SCGB2B2: variants seen among roughly 807,000 people sequenced by gnomAD.
SCGB2B2 encodes the protein secretoglobin-like protein.
A neutral mutation model predicts 7.6 loss-of-function variants in SCGB2B2; 11 were observed. The ratio of observed to expected loss-of-function variants is 1.45; its 90% CI spans 0.91 to 2.40. SCGB2B2 has a LOEUF of 2.40. SCGB2B2 is among the 30% of genes most tolerant of loss of function. SCGB2B2 has a pLI of 0.00. For missense variants in SCGB2B2, 104 were observed against 115.4 expected (o/e 0.90, Z 0.45); for synonymous variants, 50 against 48.6 (o/e 1.03, Z -0.12).
chr19:34,641,636 G>A (rs1027103509), intron 1 of SCGB2B2, among the ~76,000 whole-genome samples: 3 of 119,566 alleles, frequency 2.5e-5, no homozygotes, highest in African/African-American at 1.1e-4. Flanking sequence ...TTGACAGTAT[G>A]TAAATTGGGT....
Position 34,592,483 on chromosome 19 carries a change from C to T in SCGB2B2, c.*1072G>A, listed in dbSNP as rs1033966951. On this transcript the variant is annotated 3_prime_UTR_variant, in exon 4 of 4. Transcript: ENST00000601241. ...TTTGGAGGGTGTCATCTGAGAGACA[C>T]CTGGGTGGGAGGGAGAGGGAGGAGT... Among the ~76,000 whole-genome samples, 15 of 151,854 alleles carry T rather than the reference C, an allele frequency of 9.9e-5. No individual in the cohort carries two copies. Among genetic ancestry groups the T allele is most frequent in the African/African-American group, 3.6e-4 (15 of 41,352 alleles).
intron 1 of SCGB2B2, among the ~76,000 whole-genome samples, chr19:34,630,408 A>G (rs2066496166): frequency 6.6e-6 from 1 of 151,892 alleles, no homozygotes; most frequent in African/African-American, 2.4e-5. Context: ...AACCCAAACA[A>G]ATTTACAACA....
At chr19:34,648,427 T>C (rs1278568916) in intron 1 of SCGB2B2, among the ~76,000 whole-genome samples, 2 of 152,198 alleles carry the variant, frequency 1.3e-5, no homozygotes, top group Non-Finnish European at 2.9e-5. Flanking sequence ...TTGATGTAAG[T>C]TCTCTGAGGA....
chr19:34,600,709 G>T (rs1057051030), intron 1 of SCGB2B2, among the ~76,000 whole-genome samples: 8 of 152,042 alleles, frequency 5.3e-5, no homozygotes, highest in Non-Finnish European at 2.9e-5. Flanking sequence ...TTTATATATT[G>T]CATGTTCTTT....
chr19:34,658,813 CAAAAAAAAA>C (rs138363297), intron 1 of SCGB2B2, among the ~76,000 whole-genome samples: 1 of 102,008 alleles, frequency 9.8e-6, no homozygotes, highest in Non-Finnish European at 1.8e-5. Context: ...ACAACAACAA[CAAAAAAAAA>C]AAAAAAAAAA....
At chr19:34,626,023 C>T (rs910255927) in intron 1 of SCGB2B2, among the ~76,000 whole-genome samples, 1 of 152,186 alleles carries the variant, frequency 6.6e-6, no homozygotes, top group Non-Finnish European at 1.5e-5. Flanking sequence ...TGGAGTGGAC[C>T]TCCAGCAAAC....
chr19:34,637,031 G>C (rs2066700958), intron 1 of SCGB2B2, among the ~76,000 whole-genome samples: 1 of 152,160 alleles, frequency 6.6e-6, no homozygotes, highest in South Asian at 2.1e-4. Context: ...ATTACAAAAA[G>C]AGCCTCAGAA....
chr19:34,621,423 C>G (rs1308156825), intron 1 of SCGB2B2, among the ~76,000 whole-genome samples: 1 of 151,620 alleles, frequency 6.6e-6, no homozygotes, highest in East Asian at 1.9e-4. Context: ...AGAGAGATGT[C>G]TCACAAAATG....
intron 1 of SCGB2B2, among the ~76,000 whole-genome samples, chr19:34,600,335 T>A (rs1044808324): frequency 6.6e-6 from 1 of 152,248 alleles, no homozygotes; most frequent in African/African-American, 2.4e-5. Flanking sequence ...TCTATTATCA[T>A]GAACAACACT....
chr19:34,616,027 T>C (rs565543439), intron 1 of SCGB2B2, among the ~76,000 whole-genome samples: 2 of 151,892 alleles, frequency 1.3e-5, no homozygotes, highest in African/African-American at 4.8e-5. Context: ...CTCATCATTT[T>C]TTATGGCTGC....
intron 1 of SCGB2B2, among the ~76,000 whole-genome samples, chr19:34,600,262 A>G (rs1053274237): frequency 6.6e-6 from 1 of 152,036 alleles, no homozygotes; most frequent in Non-Finnish European, 1.5e-5. Flanking sequence ...TTTGTTCCCC[A>G]TTGTTGTTGA....
chr19:34,670,311 C>A (rs1230321857), intron 1 of SCGB2B2, among the ~76,000 whole-genome samples: 1 of 152,190 alleles, frequency 6.6e-6, no homozygotes, highest in Non-Finnish European at 1.5e-5. Context: ...TACCTTTTCA[C>A]AAACTGACTA....
chr19:34,645,874 C>T, intron 1 of SCGB2B2: 2 of 240,392 alleles, frequency 8.3e-6, no homozygotes, highest in South Asian at 9.7e-5. Flanking sequence ...TATCTTGCCT[C>T]ATCCACCACA....
chr19:34,647,028 A>AC (rs2067036691), intron 1 of SCGB2B2, among the ~76,000 whole-genome samples: 1 of 150,896 alleles, frequency 6.6e-6, no homozygotes, highest in East Asian at 2.0e-4. Flanking sequence ...CCTTGACCCA[A>AC]CCCCCCAGGA....
intron 1 of SCGB2B2, among the ~76,000 whole-genome samples, chr19:34,626,184 T>G (rs1291505796): frequency 6.6e-6 from 1 of 151,978 alleles, no homozygotes; most frequent in Non-Finnish European, 1.5e-5. Flanking sequence ...AACTGGAAAC[T>G]CTAAAAATCA....
chr19:34,658,807 CAACAACAAAAAAAAAAA>C (rs2067359467), intron 1 of SCGB2B2, among the ~76,000 whole-genome samples: 1 of 61,122 alleles, frequency 1.6e-5, no homozygotes, highest in African/African-American at 4.8e-5. Context: ...ACAACAACAA[CAACAACAAAAAAAAAAA>C]AAAAAAAAAA....
chr19:34,623,939 A>G (rs1381401920), intron 1 of SCGB2B2, among the ~76,000 whole-genome samples: 1 of 152,150 alleles, frequency 6.6e-6, no homozygotes, highest in Non-Finnish European at 1.5e-5. Context: ...CCTCCTGACT[A>G]TTGAAAGTGG....
chr19:34,624,238 C>T (rs2066310224), intron 1 of SCGB2B2, among the ~76,000 whole-genome samples: 1 of 152,160 alleles, frequency 6.6e-6, no homozygotes, highest in African/African-American at 2.4e-5. Flanking sequence ...AATTCACTGG[C>T]AGTGCTGAGC....
At chr19:34,670,119 T>C (rs752812708) in intron 1 of SCGB2B2, among the ~76,000 whole-genome samples, 2 of 152,136 alleles carry the variant, frequency 1.3e-5, no homozygotes, top group African/African-American at 2.4e-5. Context: ...ATCGGGGCTA[T>C]AGATTCAGTG....
Sources: gnomAD v4.1 joint callset for allele counts (sites outside exome capture counted in the v4.1 genomes callset) on GRCh38, gnomAD v4.1.1 for gene constraint, MANE v1.5 for transcripts, NCBI Gene and HGNC (gene_info 2026-07-23, HGNC 2026-07-21) for gene names.